GNAZ: variants seen among roughly 807,000 people sequenced by gnomAD.
The protein encoded by GNAZ is G protein subunit alpha z, also known as guanine nucleotide-binding protein G(z) subunit alpha.
A neutral mutation model predicts 25.4 loss-of-function variants in GNAZ; 3 were observed. The observed-to-expected ratio is 0.12, with a 90% CI of 0.05 to 0.30. The LOEUF is 0.30. Among genes scored for constraint, GNAZ ranks in the 10% least tolerant of loss-of-function variants. GNAZ has a pLI of 1.00. For synonymous variants in GNAZ, 211 were observed against 205.7 expected (o/e 1.03, Z -0.22); for missense variants, 241 against 501.8 (o/e 0.48, Z 4.97).
chr22:23,123,553 C>G lies in GNAZ; in HGVS notation c.*122C>G. ...GGGGCCTAAAGAATGTCCCCCACCC[C>G]TTGGCCTCTGCCTCCTTGGCCCCAC... is the stretch of plus-strand genomic sequence containing the variant. On this transcript the variant is annotated 3_prime_UTR_variant, in exon 3 of 3. Transcript: ENST00000615612. The G allele has an allele frequency of 1.6e-6, 1 of 637,108 alleles. No homozygotes were observed. The highest frequency in any genetic ancestry group is 2.7e-6 in the Non-Finnish European group (1 of 365,108). 39.5% of individuals were successfully genotyped at this position (637,108 alleles called of 1,614,324 possible). A position where few individuals can be genotyped will look rare whatever the true frequency, so the allele number is the denominator to read the frequency against.
At chr22:23,102,517 C>A (rs535572444) in intron 2 of GNAZ, among the ~76,000 whole-genome samples, 1 of 152,372 alleles carries the variant, frequency 6.6e-6, no homozygotes, top group African/African-American at 2.4e-5. Context: ...TGCAGTGGCT[C>A]CTTGCCCTGG....
intron 1 of GNAZ, among the ~76,000 whole-genome samples, chr22:23,094,786 T>G (rs1248426140): frequency 6.6e-6 from 1 of 152,172 alleles, no homozygotes; most frequent in African/African-American, 2.4e-5. Flanking sequence ...GTGACCCAGC[T>G]CCTGCGGGGG....
chr22:23,076,236 C>T (rs150187193), intron 1 of GNAZ, among the ~76,000 whole-genome samples: 2 of 152,326 alleles, frequency 1.3e-5, no homozygotes, highest in Non-Finnish European at 2.9e-5. Flanking sequence ...CTCGCCACAG[C>T]GTGACCTGCT....
At chr22:23,103,284 T>C (rs2069356233) in intron 2 of GNAZ, among the ~76,000 whole-genome samples, 1 of 152,162 alleles carries the variant, frequency 6.6e-6, no homozygotes, top group Non-Finnish European at 1.5e-5. Context: ...GTTCTACTCC[T>C]CCCCAGCCCC....
At chr22:23,076,012 G>C (rs148156372) in intron 1 of GNAZ, among the ~76,000 whole-genome samples, 4 of 152,162 alleles carry the variant, frequency 2.6e-5, no homozygotes, top group African/African-American at 4.8e-5. Flanking sequence ...GGGCAGCCCC[G>C]CATCTGGGCA....
chr22:23,092,342 C>T (rs888786315), intron 1 of GNAZ, among the ~76,000 whole-genome samples: 2 of 152,160 alleles, frequency 1.3e-5, no homozygotes, highest in Admixed American at 6.5e-5. Context: ...TCCTTACATC[C>T]GTGCACAGCC....
intron 2 of GNAZ, among the ~76,000 whole-genome samples, chr22:23,100,461 G>A (rs2069265710): frequency 6.6e-6 from 1 of 152,226 alleles, no homozygotes; most frequent in Admixed American, 6.5e-5. Flanking sequence ...CCAGGGGACG[G>A]GGGACATAAG....
intron 2 of GNAZ, among the ~76,000 whole-genome samples, chr22:23,117,643 C>A (rs895853410): frequency 1.3e-5 from 2 of 152,250 alleles, no homozygotes; most frequent in African/African-American, 4.8e-5. Flanking sequence ...GTGGTAGCCA[C>A]AGGGCAAGGC....
At chr22:23,116,882 G>C (rs1008383801) in intron 2 of GNAZ, among the ~76,000 whole-genome samples, 3 of 152,152 alleles carry the variant, frequency 2.0e-5, no homozygotes, top group Non-Finnish European at 2.9e-5. Flanking sequence ...CAAATATGCC[G>C]CACCTGGGAG....
At chr22:23,087,606 A>G (rs964796897) in intron 1 of GNAZ, among the ~76,000 whole-genome samples, 1 of 152,236 alleles carries the variant, frequency 6.6e-6, no homozygotes, top group Non-Finnish European at 1.5e-5. Flanking sequence ...TATTACTCAA[A>G]TCAGTCTCCT....
At chr22:23,111,033 A>C (rs886281738) in intron 2 of GNAZ, among the ~76,000 whole-genome samples, 6 of 152,180 alleles carry the variant, frequency 3.9e-5, no homozygotes, top group African/African-American at 1.4e-4. Context: ...ATGAGGGGGT[A>C]GGATAGCACT....
intron 1 of GNAZ, among the ~76,000 whole-genome samples, chr22:23,093,468 G>C (rs6003503): frequency 0.05 from 7,605 of 152,274 alleles, 629 homozygotes; most frequent in African/African-American, 0.17. Context: ...CTGGCTGGGG[G>C]TAGGGGCGAC....
intron 1 of GNAZ, among the ~76,000 whole-genome samples, chr22:23,093,681 G>C (rs2069048943): frequency 6.6e-6 from 1 of 152,210 alleles, no homozygotes; most frequent in Non-Finnish European, 1.5e-5. Flanking sequence ...CTCTGAGATG[G>C]GAGTAAGTCG....
chr22:23,113,619 C>T (rs1446393560), intron 2 of GNAZ, among the ~76,000 whole-genome samples: 1 of 152,250 alleles, frequency 6.6e-6, no homozygotes, highest in Non-Finnish European at 1.5e-5. Flanking sequence ...CTTCCCTGTT[C>T]CACAGCTGCA....
intron 1 of GNAZ, among the ~76,000 whole-genome samples, chr22:23,091,969 C>G (rs2146304709): frequency 6.6e-6 from 1 of 152,286 alleles, no homozygotes; most frequent in Middle Eastern, 3.4e-3. Context: ...CACCGCAGGG[C>G]CTTACAGCAT....
At chr22:23,113,933 G>T (rs1448748889) in intron 2 of GNAZ, among the ~76,000 whole-genome samples, 1 of 152,244 alleles carries the variant, frequency 6.6e-6, no homozygotes, top group African/African-American at 2.4e-5. Flanking sequence ...AGTGCCCCAT[G>T]TCCCTCCAGC....
At chr22:23,109,687 A>G (rs978320599) in intron 2 of GNAZ, among the ~76,000 whole-genome samples, 4 of 152,210 alleles carry the variant, frequency 2.6e-5, no homozygotes, top group African/African-American at 7.2e-5. Flanking sequence ...CTCCCTCAGC[A>G]TCTCAGATGC....
chr22:23,118,611 C>T (rs1419839004), intron 2 of GNAZ, among the ~76,000 whole-genome samples: 2 of 152,204 alleles, frequency 1.3e-5, no homozygotes, highest in Non-Finnish European at 2.9e-5. Context: ...CCTCTTGAGG[C>T]CTTGGGCCCC....
intron 2 of GNAZ, chr22:23,122,740 G>A (rs1229064423): frequency 3.3e-5 from 10 of 301,332 alleles, no homozygotes; most frequent in Non-Finnish European, 6.2e-5. Flanking sequence ...GGGAAGATGG[G>A]GGGTCCTCGG....
Sources: allele counts gnomAD v4.1 joint callset (sites outside exome capture counted in the v4.1 genomes callset), GRCh38; gene constraint gnomAD v4.1.1; transcripts MANE v1.5; gene names NCBI Gene and HGNC (gene_info 2026-07-23, HGNC 2026-07-21).